ASB5: variants seen among roughly 807,000 people sequenced by gnomAD.
ASB5 encodes ankyrin repeat and SOCS box containing 5, also known as ankyrin repeat and SOCS box protein 5.
ASB5 carries 45 observed loss-of-function variants against 42.1 expected under a neutral mutation model. The ratio of observed to expected loss-of-function variants is 1.07; its 90% CI spans 0.84 to 1.37. ASB5 has a LOEUF of 1.37. Among genes scored for constraint, ASB5 ranks in the 40% most tolerant of loss-of-function variants. ASB5 has a pLI of 0.00. For missense variants in ASB5, 402 were observed against 399.8 expected (o/e 1.01, Z -0.05); for synonymous variants, 147 against 150.6 (o/e 0.98, Z 0.18).
At chr4:176,222,459 AT>A in intron 2 of ASB5, 39 bp from the exon 3 acceptor site, 1 of 1,512,004 alleles carries the variant, frequency 6.6e-7, no homozygotes, top group Non-Finnish European at 9.1e-7. Flanking sequence ...GCAAAGAGTT[AT>A]ATACTTAAAA....
Position 176,221,297 on chromosome 4 carries a change from C to T in ASB5, c.536-8G>A. 2 of 1,613,618 alleles carry T rather than the reference C, an allele frequency of 1.2e-6. No homozygotes were observed. The highest frequency in any genetic ancestry group is 1.7e-6 in the Non-Finnish European group (2 of 1,179,764). On this transcript the variant is annotated splice_region_variant and splice_polypyrimidine_tract_variant and intron_variant, in intron 4 of 6. Coordinates refer to ENST00000296525, the MANE Select transcript of ASB5 (RefSeq NM_080874.4). ...CAAGACATTCATGGTGACCTGCCAA[C>T]ACAAAGTAGAGGAGTTTAACTTAAT...
At chr4:176,259,820 TTAAGAC>T (rs1754223696) in intron 1 of ASB5, among the ~76,000 whole-genome samples, 1 of 152,212 alleles carries the variant, frequency 6.6e-6, no homozygotes, top group South Asian at 2.1e-4. Flanking sequence ...TACCCATAGT[TTAAGAC>T]TATAAGCCTT....
chr4:176,229,324 T>G (rs1444812021), intron 1 of ASB5, among the ~76,000 whole-genome samples: 1 of 152,204 alleles, frequency 6.6e-6, no homozygotes, highest in African/African-American at 2.4e-5. Context: ...TCTGGACTCA[T>G]TCCTTTCTAG....
chr4:176,222,537 G>A (rs1158463018), intron 2 of ASB5, 117 bp from the exon 3 acceptor site: 1 of 943,948 alleles, frequency 1.1e-6, no homozygotes, highest in African/African-American at 1.7e-5. Flanking sequence ...AGGCAAACGA[G>A]TTTCCAGTTT....
At chr4:176,276,781 T>C (rs535023926) in intron 1 of ASB5, among the ~76,000 whole-genome samples, 3 of 152,308 alleles carry the variant, frequency 2.0e-5, no homozygotes, top group African/African-American at 7.2e-5. Flanking sequence ...TTGTTGTATA[T>C]TACCGTAACC....
chr4:176,215,811 A>C, intron 6 of ASB5, 84 bp from the exon 7 acceptor site: 3 of 1,349,378 alleles, frequency 2.2e-6, no homozygotes, highest in Non-Finnish European at 3.0e-6. Context: ...AAACCATAAA[A>C]ACTACAATGC....
chr4:176,235,289 A>C (rs1404848360), intron 1 of ASB5, among the ~76,000 whole-genome samples: 1 of 152,242 alleles, frequency 6.6e-6, no homozygotes, highest in Non-Finnish European at 1.5e-5. Context: ...AAAGTTGTAC[A>C]TTAAATAAGT....
At chr4:176,236,871 C>T (rs1170861344) in intron 1 of ASB5, among the ~76,000 whole-genome samples, 5 of 152,126 alleles carry the variant, frequency 3.3e-5, no homozygotes, top group South Asian at 2.1e-4. Flanking sequence ...TTAATGACTT[C>T]GTGTCAGAAC....
At chr4:176,235,388 T>C (rs1054589452) in intron 1 of ASB5, among the ~76,000 whole-genome samples, 6 of 152,196 alleles carry the variant, frequency 3.9e-5, no homozygotes, top group Admixed American at 1.3e-4. Flanking sequence ...AACTTTTTTC[T>C]AGAAACACAC....
Position 176,223,884 on chromosome 4 carries a change from C to T in ASB5, c.276+1378G>A, listed in dbSNP as rs573898170. On this transcript the variant is annotated intron_variant, in intron 2 of 6. Coordinates refer to ENST00000296525, the MANE Select transcript of ASB5 (RefSeq NM_080874.4). ...GACTGCTCTTCTTCAAAGAACCACA[C>T]GGCCCTTTCTGAGGAATTACCCTTT... Among the ~76,000 whole-genome samples the T allele has an allele frequency of 1.3e-4, 20 of 152,284 alleles. No homozygotes were observed. In the South Asian group the frequency reaches 2.5e-3, roughly 19 times the overall value.
rs920995170 is a variant in ASB5, at chr4:176,262,867, C to T, written c.196+6046G>A. 2.0e-5 allele frequency among the ~76,000 whole-genome samples: 3 copies of T among 152,266 alleles called. No individual in the cohort carries two copies. In the South Asian group the frequency reaches 6.2e-4, roughly 32 times the overall value. ...AATATTCCTAGGAAAACTGATCCCT[C>T]CTAAACTATCACCACCTATGTCAAT... On this transcript the variant is annotated intron_variant, in intron 1 of 6. Transcript: ENST00000296525.
intron 2 of ASB5, among the ~76,000 whole-genome samples, chr4:176,275,017 CG>C (rs1754539891): frequency 6.7e-6 from 1 of 148,836 alleles, no homozygotes; most frequent in African/African-American, 2.5e-5. Flanking sequence ...CAGGTTCAAG[CG>C]ATTCTCCTGC....
intron 1 of ASB5, among the ~76,000 whole-genome samples, chr4:176,252,340 C>T (rs908102727): frequency 6.6e-6 from 1 of 152,130 alleles, no homozygotes; most frequent in Admixed American, 6.5e-5. Context: ...GCACATGCAC[C>T]CGCAACATTC....
At chr4:176,224,296 G>A (rs141722814) in intron 2 of ASB5, among the ~76,000 whole-genome samples, 1,515 of 141,644 alleles carry the variant, frequency 0.011, 31 homozygotes, top group African/African-American at 0.038. Flanking sequence ...GTGCAATGGC[G>A]TGAACTTGGC....
chr4:176,263,434 T>C (rs1754300616), intron 1 of ASB5, among the ~76,000 whole-genome samples: 1 of 152,178 alleles, frequency 6.6e-6, no homozygotes, highest in Non-Finnish European at 1.5e-5. Flanking sequence ...ATTATAATGG[T>C]TTCTTCCACA....
At position 176,241,732 on chromosome 4, in the gene ASB5, G is replaced by A. The variant is rs553897359; in HGVS notation, c.197-16391C>T. 2.6e-6 allele frequency: 3 copies of A among 1,175,102 alleles called. No individual in the cohort carries two copies. In the African/African-American group the frequency reaches 4.7e-5, roughly 18 times the overall value. The allele number at this position is 1,175,102 out of a possible 1,614,324, so 72.8% of individuals were successfully genotyped here. ...ACATAAGCATCTTGGAAAAAAAATT[G>A]AGCAGTTGTTATCCAACAGTTAACC... On this transcript the variant is annotated intron_variant, in intron 1 of 6. Transcript: ENST00000296525.
In ASB5 at chr4:176,268,929, T is replaced by A; in HGVS notation, c.180A>T (p.Gly60=). 1.2e-6 allele frequency: 2 copies of A among 1,611,728 alleles called. No homozygotes were observed. The highest frequency in any genetic ancestry group is 1.7e-6 in the Non-Finnish European group (2 of 1,178,902). The change falls in exon 1 of 7, where the codon GGA becomes GGT. Residue 60 remains glycine (G), a synonymous_variant. Transcript: ENST00000296525. ...TAAACATACCTTGTCCTTGGGTTAC[T>A]CCATAAAATTCAGCTGCTATCCTTG... The part of the protein sequence containing the change: ...EAARIAAEFY[G]VTQGQGSWAD...
Position 176,269,096 on chromosome 4 carries a change from C to G in ASB5, c.13G>C (p.Glu5Gln). 6.2e-7 allele frequency: 1 copy of G among 1,610,062 alleles called. No individual in the cohort carries two copies. Among genetic ancestry groups the G allele is most frequent in the Non-Finnish European group, 8.5e-7 (1 of 1,177,712 alleles). ...TGTTGAGCAAACGGCCGATTTTCTT[C>G]TAACACCGACATTGCTGCAGAAGAA... Reference protein sequence around the residue: MSVLEENRPFAQQLS... With the variant: MSVLQENRPFAQQLS... Residue 5 changes from glutamate to glutamine, a missense_variant, in exon 1 of 7, where the codon GAA becomes CAA. Glu to Gln is a conservative substitution (Grantham distance 29). Coordinates refer to ENST00000296525, the MANE Select transcript of ASB5 (RefSeq NM_080874.4).
chr4:176,224,067 A>T (rs1753301040), intron 2 of ASB5, among the ~76,000 whole-genome samples: 1 of 152,122 alleles, frequency 6.6e-6, no homozygotes, highest in Non-Finnish European at 1.5e-5. Context: ...ATTCACCTCA[A>T]GTGCCAGCCT....
Sources: allele counts gnomAD v4.1 joint callset (sites outside exome capture counted in the v4.1 genomes callset), GRCh38; gene constraint gnomAD v4.1.1; transcripts MANE v1.5; gene names NCBI Gene and HGNC (gene_info 2026-07-23, HGNC 2026-07-21).